The following MYO7B variants were observed in gnomAD, a reference collection of about 807,000 sequenced individuals.
MYO7B encodes myosin VIIB.
Under a neutral mutation model 259.7 loss-of-function variants are expected in MYO7B, and 212 were observed. The observed-to-expected ratio is 0.82, with a 90% confidence interval of 0.73 to 0.91. MYO7B has a LOEUF of 0.91. Ranked by LOEUF, MYO7B falls within the 40% of genes least tolerant of loss-of-function variation. MYO7B has a pLI of 0.00. For missense variants in MYO7B, 2,732 were observed against 2,813.5 expected (o/e 0.97, Z 0.66); for synonymous variants, 1,197 against 1,166.4 (o/e 1.03, Z -0.54).
intron 35 of MYO7B, 41 bp from the exon 36 acceptor site, chr2:127,630,737 G>C (rs752957769): frequency 6.2e-7 from 1 of 1,606,982 alleles, no homozygotes; most frequent in Admixed American, 1.7e-5. Flanking sequence ...GGCCTCATGG[G>C]CGGTGGCTCC....
intron 19 of MYO7B, 31 bp from the exon 20 acceptor site, chr2:127,605,813 T>C (rs771818063): frequency 1.2e-6 from 2 of 1,603,916 alleles, no homozygotes; most frequent in South Asian, 2.2e-5. Context: ...CTGGGATTGT[T>C]ACATGTGTGT....
chr2:127,554,685 C>T (rs1460529954), intron 1 of MYO7B, among the ~76,000 whole-genome samples: 1 of 152,074 alleles, frequency 6.6e-6, no homozygotes, highest in Admixed American at 6.6e-5. Flanking sequence ...TGGTAGAATT[C>T]AGCTGTGAAT....
In MYO7B at chr2:127,605,853, C is replaced by G. The variant is rs200576326; in HGVS notation, c.2349C>G (p.Phe783Leu). The G allele has an allele frequency of 5.6e-4, 898 of 1,613,582 alleles. 1 individual carries two copies. The highest frequency in any genetic ancestry group is 6.8e-4 in the Non-Finnish European group (800 of 1,179,838). The change falls in exon 20 of 48, where the codon TTC (phenylalanine) becomes TTG (leucine). Residue 783 changes from phenylalanine to leucine, a missense_variant. This residue lies in a region of MYO7B where 1,906 missense variants were observed against 2,026.4 expected (regional missense o/e 0.94). Coordinates refer to ENST00000409816, the MANE Select transcript of MYO7B (RefSeq NM_001393586.1). ...TGCATTGCCCTTCTAGGAAGGAGTT[C>G]CTGAGGCAGAGGCGGGCAGCTGTGA... Reference protein sequence around the residue: ...VLRGYRYRKEFLRQRRAAVTL... With the variant: ...VLRGYRYRKELLRQRRAAVTL...
chr2:127,632,251 G>A lies in MYO7B; in HGVS notation c.5255G>A (p.Ser1752Asn). 1 of 1,611,760 alleles carries A rather than the reference G, an allele frequency of 6.2e-7. No homozygotes were observed. The highest frequency in any genetic ancestry group is 1.7e-4 in the Middle Eastern group (1 of 6,048). ...TGACAAGTGCTACCCTTCAGGCACA[G>A]CGAAGAGCGGGGCTGGCAGCTGCTG... ...KQLTHNSNRH[S>N]EERGWQLLWL... Residue 1752 changes from serine to asparagine, a missense_variant, in exon 39 of 48, where the codon AGC (serine) becomes AAC (asparagine). By Grantham distance (46) the Ser-to-Asn change is conservative (BLOSUM62 1). Transcript: ENST00000409816.
chr2:127,573,333 C>T (rs1678725830), intron 6 of MYO7B, among the ~76,000 whole-genome samples: 1 of 152,174 alleles, frequency 6.6e-6, no homozygotes, highest in Non-Finnish European at 1.5e-5. Context: ...TGTGTATATA[C>T]TAGGATGTAA....
rs879401538 is a variant in MYO7B, at chr2:127,636,160, G to A, written c.6007-48G>A. Reference sequence around the variant, plus strand: ...CAGGTGCTGCCCCCACCAGGGCTTTGGAGGGCCTCTGGGCACCCAAGTCCT... The same window carrying A: ...CAGGTGCTGCCCCCACCAGGGCTTTAGAGGGCCTCTGGGCACCCAAGTCCT... On this transcript the variant is annotated intron_variant, in intron 44 of 47. Coordinates refer to ENST00000409816, the MANE Select transcript of MYO7B (RefSeq NM_001393586.1). This position sits in a 1 kb window ranked among gnomAD's most constrained non-coding sequence, Gnocchi z 4.5. 6.7e-7 allele frequency: 1 copy of A among 1,495,238 alleles called. No individual in the cohort carries two copies. Among genetic ancestry groups the A allele is most frequent in the Non-Finnish European group, 9.3e-7 (1 of 1,079,614 alleles). The allele number at this position is 1,495,238 out of a possible 1,614,324, so 92.6% of individuals were successfully genotyped here. A position where few individuals can be genotyped will look rare whatever the true frequency, so the allele number is the denominator to read the frequency against.
At position 127,607,134 on chromosome 2, in the gene MYO7B, G is replaced by A; in HGVS notation, c.2425-72G>A. ...GTAAATCTATCTTGCACTGCCTCCT[G>A]GGGAGCACCCCTCTCTGTTTCCTGG... is the stretch of plus-strand genomic sequence containing the variant. On this transcript the variant is annotated intron_variant, in intron 20 of 47. Coordinates refer to ENST00000409816, the MANE Select transcript of MYO7B (RefSeq NM_001393586.1). The surrounding 1 kb of genome is among the most constrained non-coding windows in gnomAD (Gnocchi z 4.4). The A allele has an allele frequency of 7.1e-7, 1 of 1,409,858 alleles. No homozygotes were observed. Among genetic ancestry groups the A allele is most frequent in the Non-Finnish European group, 9.6e-7 (1 of 1,042,706 alleles). The allele number at this position is 1,409,858 out of a possible 1,614,324, so 87.3% of individuals were successfully genotyped here.
intron 7 of MYO7B, among the ~76,000 whole-genome samples, chr2:127,574,448 G>A (rs936680893): frequency 4.6e-5 from 7 of 152,244 alleles, no homozygotes; most frequent in African/African-American, 1.2e-4. Flanking sequence ...GCTGAGGCAT[G>A]AGAATTGCTT....
Position 127,608,759 on chromosome 2 carries a change from G to T in MYO7B, c.2695G>T (p.Ala899Ser). The T allele has an allele frequency of 1.2e-6, 2 of 1,613,472 alleles. No homozygotes were observed. The highest frequency in any genetic ancestry group is 1.7e-6 in the Non-Finnish European group (2 of 1,179,770). ...EGQKSQGALPAKKRRSIYDTV... is the reference protein window; with the variant it reads ...EGQKSQGALPSKKRRSIYDTV... The stretch of plus-strand genomic sequence containing the variant: ...GCAGAAAAGCCAAGGCGCTCTCCCT[G>T]CCAAGAAGCGCAGATCCATCTACGA... Residue 899 changes from alanine (A) to serine (S), a missense_variant, in exon 22 of 48, where the codon GCC becomes TCC. Transcript: ENST00000409816.
intron 42 of MYO7B, 25 bp from the exon 43 acceptor site, chr2:127,635,095 G>T: frequency 6.3e-7 from 1 of 1,585,692 alleles, no homozygotes; most frequent in Non-Finnish European, 8.6e-7. Flanking sequence ...GACAGGCTTG[G>T]TGCCCACTGC....
At position 127,620,431 on chromosome 2, in the gene MYO7B, CTCGGCT is replaced by C. The variant is rs751692023; in HGVS notation, c.3491_3496del (p.Leu1164_Cys1166delinsArg). The C allele has an allele frequency of 1.3e-6, 2 of 1,599,660 alleles. No homozygotes were observed. Among genetic ancestry groups the C allele is most frequent in the Admixed American group, 3.4e-5 (2 of 59,500 alleles). Reference sequence around the variant, plus strand: ...GGGCTGGATCCTGCTCAGCCTCTGCCTCGGCTGCTTCCCACCCTCAGAGAGGTTCAT... The same window carrying C: ...GGGCTGGATCCTGCTCAGCCTCTGCCGCTTCCCACCCTCAGAGAGGTTCAT... On this transcript the variant is annotated inframe_deletion, in exon 27 of 48. Transcript: ENST00000409816.
intron 19 of MYO7B, among the ~76,000 whole-genome samples, chr2:127,602,049 TC>T (rs1679980271): frequency 1.3e-5 from 2 of 152,206 alleles, no homozygotes; most frequent in Non-Finnish European, 2.9e-5. Flanking sequence ...TCTATTTTTT[TC>T]CTCTCTCCTT....
intron 10 of MYO7B, among the ~76,000 whole-genome samples, chr2:127,581,562 T>G (rs1679098189): frequency 1.3e-5 from 2 of 152,166 alleles, no homozygotes; most frequent in African/African-American, 4.8e-5. Context: ...TCCTTTAGAC[T>G]CTCAGCCTTC....
chr2:127,612,306 G>T lies in MYO7B; in HGVS notation c.3249G>T (p.Arg1083=), dbSNP rs778679081. ...ATATCTCCTCCATGAAGCTGAAGCG[G>T]TCCTCCCGGATCACAGGCCAGGTGA... is the stretch of plus-strand genomic sequence containing the variant. ...TKDISSMKLK[R]SSRITGQVAS... Residue 1083 remains arginine (R), a synonymous_variant, in exon 25 of 48, where the codon CGG becomes CGT. Coordinates refer to ENST00000409816, the MANE Select transcript of MYO7B (RefSeq NM_001393586.1). The T allele has an allele frequency of 1.5e-5, 13 of 888,698 alleles. No individual in the cohort carries two copies. Among genetic ancestry groups the T allele is most frequent in the African/African-American group, 6.6e-5 (4 of 60,544 alleles). 55.1% of individuals were successfully genotyped at this position (888,698 alleles called of 1,614,324 possible). A position where few individuals can be genotyped will look rare whatever the true frequency, so the allele number is the denominator to read the frequency against.
rs764043935 is a variant in MYO7B at position 127,580,777 on chromosome 2, C to T, written c.1035C>T (p.Asp345=). 9.9e-6 allele frequency: 16 copies of T among 1,613,622 alleles called. No homozygotes were observed. The highest frequency in any genetic ancestry group is 8.9e-5 in the East Asian group (4 of 44,878). Residue 345 remains aspartate, a synonymous_variant, in exon 10 of 48, where the codon GAC becomes GAT. Transcript: ENST00000409816. ...TCTTCGAGAACCTGGACGCCTCAGACGTGATGGAGACGCCCGCCTTTCCCA... is the reference window on the plus strand; with the variant it reads ...TCTTCGAGAACCTGGACGCCTCAGATGTGATGGAGACGCCCGCCTTTCCCA... ...ASVFENLDAS[D]VMETPAFPTV...
rs777926537 is a variant in MYO7B, at chr2:127,635,732, A to G, written c.5831A>G (p.Lys1944Arg). The change falls in exon 44 of 48, where the codon AAG becomes AGG. Residue 1944 changes from lysine to arginine, a missense_variant. Transcript: ENST00000409816. The part of the protein sequence containing the change: ...TILHYHQELP[K>R]YLRGFHKCSR... ...GTGTCCATCACCCAGGAGCTGCCCA[A>G]GTACCTGCGCGGATTCCACAAGTGT... The G allele has an allele frequency of 6.2e-6, 10 of 1,602,322 alleles. No individual in the cohort carries two copies. The highest frequency in any genetic ancestry group is 1.7e-4 in the Middle Eastern group (1 of 6,050).
rs769414575 is a variant in MYO7B, at chr2:127,609,508, T to C, written c.2817T>C (p.Asp939=). 1 of 1,611,112 alleles carries C rather than the reference T, an allele frequency of 6.2e-7. No homozygotes were observed. The highest frequency in any genetic ancestry group is 2.2e-5 in the East Asian group (1 of 44,798). Residue 939 remains aspartate (D), a splice_region_variant and synonymous_variant, in exon 23 of 48, where the codon GAT becomes GAC. Transcript: ENST00000409816. This position sits in a 1 kb window ranked among gnomAD's most constrained non-coding sequence, Gnocchi z 6.9. ...GTGTTCTCCCTCAATGGCCGTAGGATCTGGAATCGAAGACCCAGAAGCTGC... is the reference window on the plus strand; with the variant it reads ...GTGTTCTCCCTCAATGGCCGTAGGACCTGGAATCGAAGACCCAGAAGCTGC... ...QEGQASPHFE[D]LESKTQKLLE... is the part of the protein sequence containing the mutation.
rs1273775457 is a variant in MYO7B at position 127,612,311 on chromosome 2, C to G, written c.3254C>G (p.Ser1085Cys). 2.1e-6 allele frequency: 2 copies of G among 955,150 alleles called. No individual in the cohort carries two copies. Among genetic ancestry groups the G allele is most frequent in the Non-Finnish European group, 3.2e-6 (2 of 619,524 alleles). 59.2% of individuals were successfully genotyped at this position (955,150 alleles called of 1,614,324 possible). Residue 1085 changes from serine to cysteine, a missense_variant, in exon 25 of 48, where the codon TCC becomes TGC. Ser to Cys is a moderately radical substitution (Grantham distance 112). Transcript: ENST00000409816. ...DISSMKLKRS[S>C]RITGQVASQL... ...TCCTCCATGAAGCTGAAGCGGTCCT[C>G]CCGGATCACAGGCCAGGTGAGCCCA... is the stretch of plus-strand genomic sequence containing the variant.
chr2:127,632,506 C>T (rs553504746), intron 39 of MYO7B, 105 bp downstream of exon 39: 9 of 1,372,206 alleles, frequency 6.6e-6, no homozygotes, highest in Non-Finnish European at 2.9e-6. Context: ...TGGGAGGACT[C>T]TCCAGAAGCC....
Sources: gnomAD v4.1 joint callset for allele counts (sites outside exome capture counted in the v4.1 genomes callset) on GRCh38, gnomAD v4.1.1 for gene constraint, gnomAD v4.1.1 regional missense constraint, Gnocchi (gnomAD v3.1) non-coding constraint, MANE v1.5 for transcripts, NCBI Gene and HGNC (gene_info 2026-07-23, HGNC 2026-07-21) for gene names.